The following IQCH variants were observed in gnomAD, a reference collection of about 807,000 sequenced individuals.
IQCH encodes the protein IQ domain-containing protein H.
A neutral mutation model predicts 117.0 loss-of-function variants in IQCH; 98 were observed. The observed-to-expected ratio is 0.84, with a 90% confidence interval of 0.71 to 0.99. The LOEUF (loss-of-function observed/expected upper bound fraction) is 0.99. IQCH is among the 50% of genes least tolerant of loss of function. The probability of loss-of-function intolerance (pLI) is 0.00; values close to 1 mark genes in which losing one functional copy is unlikely to be tolerated. For synonymous variants in IQCH, 412 were observed against 448.2 expected, an observed-to-expected ratio of 0.92 and a Z score of 1.02; for missense variants, 1,102 against 1,243.8, an observed-to-expected ratio of 0.89 and a Z score of 1.72.
chr15:67,279,512 G>A lies in IQCH; in HGVS notation c.387G>A (p.Lys129=). Residue 129 remains lysine (K), a splice_region_variant and synonymous_variant, in exon 4 of 21, where the codon AAG becomes AAA. Transcript: ENST00000335894. ...SSSLPVFPRA[K]IKVSKLIKGS... The stretch of plus-strand genomic sequence containing the variant: ...CTCTGCCTGTCTTTCCAAGAGCAAA[G>A]GTAGGTATAGAGAAATTCATAGAGA... 1.3e-6 allele frequency: 2 copies of A among 1,556,920 alleles called. No individual in the cohort carries two copies. Among genetic ancestry groups the A allele is most frequent in the Non-Finnish European group, 8.8e-7 (1 of 1,135,980 alleles).
chr15:67,323,052 A>G (rs1452858732), intron 4 of IQCH, among the ~76,000 whole-genome samples: 2 of 152,050 alleles, frequency 1.3e-5, no homozygotes, highest in African/African-American at 4.8e-5. Context: ...TGGTCCAAGG[A>G]TTTACCTGAG....
intron 5 of IQCH, among the ~76,000 whole-genome samples, chr15:67,340,295 G>A (rs775874385): frequency 9.9e-5 from 15 of 151,658 alleles, no homozygotes; most frequent in Non-Finnish European, 1.9e-4. Context: ...AGGTGTGATG[G>A]CGGGCACCTG....
Position 67,405,555 on chromosome 15 carries a change from T to C in IQCH, c.2097+5250T>C, listed in dbSNP as rs1317567116. ...TTTACTTCCACACCAATTTAAGATA[T>C]AAGGAAGGTATTACTTCTGTTTACA... is the stretch of plus-strand genomic sequence containing the variant. On this transcript the variant is annotated intron_variant, in intron 14 of 20. Transcript: ENST00000335894. The surrounding 1 kb of genome is among the most constrained non-coding windows in gnomAD (Gnocchi z 4.8). 6.6e-6 allele frequency: 1 copy of C among 152,238 alleles called. No homozygotes were observed. Among genetic ancestry groups the C allele is most frequent in the Admixed American group, 6.5e-5 (1 of 15,286 alleles). The allele number at this position is 152,238 out of a possible 1,614,324, so 9.4% of individuals were successfully genotyped here. A position where few individuals can be genotyped will look rare whatever the true frequency, so the allele number is the denominator to read the frequency against.
Position 67,491,672 on chromosome 15 carries a change from C to T in IQCH, c.2861+1608C>T, listed in dbSNP as rs528865361. 3.5e-4 allele frequency among the ~76,000 whole-genome samples: 54 copies of T among 152,258 alleles called. No individual in the cohort carries two copies. Among genetic ancestry groups the T allele is most frequent in the Middle Eastern group, 3.4e-3 (1 of 294 alleles). On this transcript the variant is annotated intron_variant, in intron 19 of 20. Transcript: ENST00000335894. The surrounding 1 kb of genome is among the most constrained non-coding windows in gnomAD (Gnocchi z 4.9). ...ATCCATAACATCCCAACAAGCTTGC[C>T]TTCATCTTCTCCACCTAGGCCTTCA...
intron 4 of IQCH, among the ~76,000 whole-genome samples, chr15:67,324,387 G>A (rs1392972501): frequency 5.3e-5 from 8 of 151,464 alleles, no homozygotes; most frequent in South Asian, 4.2e-4. Flanking sequence ...CAAGGCGGGC[G>A]ATCATTGAGG....
intron 16 of IQCH, among the ~76,000 whole-genome samples, chr15:67,429,151 G>A (rs2081963271): frequency 6.6e-6 from 1 of 152,216 alleles, no homozygotes; most frequent in African/African-American, 2.4e-5. Context: ...GCAATTTGTT[G>A]CAGCAGCAAT....
Position 67,381,905 on chromosome 15 carries a change from C to T in IQCH, c.1373-3031C>T, listed in dbSNP as rs1970943611. Reference sequence around the variant, plus strand: ...CTGAGGTGGGAGGATCACTTGAGCCCAGGAGGTTGAGGCTGCAGTGAGTCG... The same window carrying T: ...CTGAGGTGGGAGGATCACTTGAGCCTAGGAGGTTGAGGCTGCAGTGAGTCG... On this transcript the variant is annotated intron_variant, in intron 10 of 20. Coordinates refer to ENST00000335894, the MANE Select transcript of IQCH (RefSeq NM_001031715.3). This position sits in a 1 kb window ranked among gnomAD's most constrained non-coding sequence, Gnocchi z 5.1. Among the ~76,000 whole-genome samples the T allele has an allele frequency of 6.6e-6, 1 of 151,408 alleles. No individual in the cohort carries two copies. The highest frequency in any genetic ancestry group is 1.5e-5 in the Non-Finnish European group (1 of 67,924).
At chr15:67,400,940 T>C (rs899580771) in intron 14 of IQCH, among the ~76,000 whole-genome samples, 4 of 152,220 alleles carry the variant, frequency 2.6e-5, no homozygotes, top group Admixed American at 2.6e-4. Flanking sequence ...CTTGATCATG[T>C]GCTTCTAACA....
Position 67,364,973 on chromosome 15 carries a change from CTCTG to C in IQCH, c.753+5091_753+5094del. Among the ~76,000 whole-genome samples, 1 of 152,244 alleles carries C rather than the reference CTCTG, an allele frequency of 6.6e-6. No individual in the cohort carries two copies. Among genetic ancestry groups the C allele is most frequent in the South Asian group, 2.1e-4 (1 of 4,822 alleles). ...GTTCTTGTTTTGAGATGCGGTCTCT[CTCTG>C]TCACCTAGTCTGCAGTGCAGTGGCA... On this transcript the variant is annotated intron_variant, in intron 8 of 20. Transcript: ENST00000335894. This position sits in a 1 kb window ranked among gnomAD's most constrained non-coding sequence, Gnocchi z 4.1.
chr15:67,399,891 G>C (rs771933380), intron 13 of IQCH, among the ~76,000 whole-genome samples: 52 of 152,202 alleles, frequency 3.4e-4, no homozygotes, highest in Non-Finnish European at 1.0e-4. Context: ...AAATAAGACT[G>C]TGCTTTTAAA....
At chr15:67,349,261 T>C (rs1596234937) in intron 6 of IQCH, among the ~76,000 whole-genome samples, 2 of 152,308 alleles carry the variant, frequency 1.3e-5, no homozygotes, top group African/African-American at 4.8e-5. Context: ...ACTGGATACA[T>C]TGGACTTCAT....
chr15:67,308,314 T>G (rs983385701), intron 4 of IQCH, among the ~76,000 whole-genome samples: 1 of 152,188 alleles, frequency 6.6e-6, no homozygotes, highest in African/African-American at 2.4e-5. Context: ...AGGTAGAGTT[T>G]GAGGGAGCCA....
Position 67,424,974 on chromosome 15 carries a change from GC to G in IQCH, c.2505+3399del, listed in dbSNP as rs933985230. On this transcript the variant is annotated intron_variant, in intron 16 of 20. Transcript: ENST00000335894. The surrounding 1 kb of genome is among the most constrained non-coding windows in gnomAD (Gnocchi z 4.9). ...TTTTCTAATTGACATGCCTTGTGAT[GC>G]CATTGAAGCGACTGGCAGGCATATT... 1.3e-5 allele frequency among the ~76,000 whole-genome samples: 2 copies of G among 152,124 alleles called. No individual in the cohort carries two copies. The highest frequency in any genetic ancestry group is 2.9e-5 in the Non-Finnish European group (2 of 68,032).
chr15:67,260,268 C>G (rs1345402700), intron 1 of IQCH, among the ~76,000 whole-genome samples: 2 of 152,196 alleles, frequency 1.3e-5, no homozygotes, highest in Non-Finnish European at 2.9e-5. Context: ...TGCAGAGAAT[C>G]TTGTGCTTTC....
chr15:67,469,788 C>T (rs1175183795), intron 17 of IQCH, among the ~76,000 whole-genome samples: 2 of 152,148 alleles, frequency 1.3e-5, no homozygotes, highest in East Asian at 3.9e-4. Context: ...TGTTATTATG[C>T]CCATTTTTAG....
At chr15:67,316,176 C>T (rs566889602) in intron 4 of IQCH, among the ~76,000 whole-genome samples, 219 of 152,202 alleles carry the variant, frequency 1.4e-3, no homozygotes, top group Admixed American at 2.3e-3. Context: ...TTCCAAAATG[C>T]CCTTTTCCAT....
chr15:67,373,184 C>T (rs904377798), intron 9 of IQCH, among the ~76,000 whole-genome samples, 183 bp from the exon 10 acceptor site: 3 of 152,172 alleles, frequency 2.0e-5, no homozygotes, highest in African/African-American at 4.8e-5. Context: ...TAATCTTCCC[C>T]TGCCAGTAGC....
intron 1 of IQCH, among the ~76,000 whole-genome samples, chr15:67,255,550 A>T (rs922772697): frequency 6.6e-6 from 1 of 152,238 alleles, no homozygotes; most frequent in Non-Finnish European, 1.5e-5. Context: ...TTGCACTCAG[A>T]TGTTTCTGAA....
chr15:67,436,081 G>A lies in IQCH; in HGVS notation c.2505+14504G>A, dbSNP rs1479989394. Among the ~76,000 whole-genome samples the A allele has an allele frequency of 1.3e-5, 2 of 152,054 alleles. No individual in the cohort carries two copies. Among genetic ancestry groups the A allele is most frequent in the East Asian group, 3.9e-4 (2 of 5,190 alleles). ...GACAATACTCAATCACCCCCTCCCA[G>A]CATATGGCACCACTGGTTGCTTCTC... On this transcript the variant is annotated intron_variant, in intron 16 of 20. Transcript: ENST00000335894. The surrounding 1 kb of genome is among the most constrained non-coding windows in gnomAD (Gnocchi z 5.1).
Sources: gnomAD v4.1 joint callset for allele counts (sites outside exome capture counted in the v4.1 genomes callset) on GRCh38, gnomAD v4.1.1 for gene constraint, Gnocchi (gnomAD v3.1) non-coding constraint, MANE v1.5 for transcripts, NCBI Gene and HGNC (gene_info 2026-07-23, HGNC 2026-07-21) for gene names.